ZHX2: variants seen among roughly 807,000 people sequenced by gnomAD.
ZHX2 encodes zinc fingers and homeoboxes 2, also known as zinc fingers and homeoboxes protein 2.
ZHX2 carries 6 observed loss-of-function variants against 21.9 expected under a neutral mutation model. The observed-to-expected ratio is 0.27, with a 90% CI of 0.15 to 0.54. ZHX2 has a LOEUF of 0.54. Ranked by LOEUF, ZHX2 falls within the 20% of genes least tolerant of loss-of-function variation. The pLI is 0.95. For synonymous variants in ZHX2, 434 were observed against 437.1 expected (o/e 0.99, Z 0.09); for missense variants, 908 against 1,090.7 (o/e 0.83, Z 2.36).
chr8:122,932,825 G>A (rs1396229331), intron 2 of ZHX2, among the ~76,000 whole-genome samples: 2 of 151,920 alleles, frequency 1.3e-5, no homozygotes, highest in African/African-American at 2.4e-5. Context: ...GGATATCTTT[G>A]AGGACCATTT....
chr8:122,874,588 C>T (rs1819520271), intron 2 of ZHX2, among the ~76,000 whole-genome samples: 1 of 152,134 alleles, frequency 6.6e-6, no homozygotes, highest in South Asian at 2.1e-4. Context: ...CTACCTCGGC[C>T]TCCCAAAGTG....
intron 2 of ZHX2, among the ~76,000 whole-genome samples, chr8:122,881,662 G>C (rs188544468): frequency 1.2e-4 from 18 of 152,304 alleles, no homozygotes; most frequent in Admixed American, 1.0e-3. Context: ...GGCATCTCAT[G>C]ATGACAACAT....
At chr8:122,836,371 C>A (rs537890167) in intron 1 of ZHX2, among the ~76,000 whole-genome samples, 1 of 152,164 alleles carries the variant, frequency 6.6e-6, no homozygotes, top group South Asian at 2.1e-4. Context: ...TTCCTTTGTC[C>A]GGCTGCTGTG....
At chr8:122,842,080 G>A (rs1366037858) in intron 1 of ZHX2, among the ~76,000 whole-genome samples, 1 of 152,208 alleles carries the variant, frequency 6.6e-6, no homozygotes, top group Non-Finnish European at 1.5e-5. Context: ...CAGTGAGAAG[G>A]GCACTGGCTT....
At chr8:122,843,378 C>T (rs114790914) in intron 1 of ZHX2, among the ~76,000 whole-genome samples, 149 of 152,244 alleles carry the variant, frequency 9.8e-4, no homozygotes, top group African/African-American at 3.2e-3. Flanking sequence ...CCTTGTCATC[C>T]GAGCCATGAG....
At chr8:122,850,832 C>T (rs1325799402) in intron 1 of ZHX2, among the ~76,000 whole-genome samples, 1 of 151,990 alleles carries the variant, frequency 6.6e-6, no homozygotes, top group Admixed American at 6.6e-5. Flanking sequence ...TGCCCCAGGC[C>T]TCCACTCATT....
At chr8:122,802,657 G>A (rs1027561284) in intron 1 of ZHX2, among the ~76,000 whole-genome samples, 15 of 152,196 alleles carry the variant, frequency 9.9e-5, no homozygotes, top group African/African-American at 3.6e-4. Context: ...CAAGGCAGTG[G>A]GTCTGCAACT....
chr8:122,836,252 G>C (rs890602650), intron 1 of ZHX2, among the ~76,000 whole-genome samples: 2 of 152,040 alleles, frequency 1.3e-5, no homozygotes, highest in Non-Finnish European at 2.9e-5. Flanking sequence ...GAAATCAAGA[G>C]AGGCCATGTG....
At chr8:122,930,656 T>G (rs1322254719) in intron 2 of ZHX2, among the ~76,000 whole-genome samples, 1 of 151,762 alleles carries the variant, frequency 6.6e-6, no homozygotes, top group African/African-American at 2.4e-5. Flanking sequence ...TTTTTTTTTT[T>G]TTTTATTTTT....
At chr8:122,892,804 C>T (rs1820013448) in intron 2 of ZHX2, among the ~76,000 whole-genome samples, 1 of 152,200 alleles carries the variant, frequency 6.6e-6, no homozygotes, top group Non-Finnish European at 1.5e-5. Flanking sequence ...CCTGCCTCAG[C>T]CTCCCGAGTA....
At chr8:122,933,940 G>A (rs1812612424) in intron 2 of ZHX2, among the ~76,000 whole-genome samples, 1 of 152,234 alleles carries the variant, frequency 6.6e-6, no homozygotes, top group Admixed American at 6.5e-5. Flanking sequence ...GGAAGCCAAG[G>A]TGGGAGGATC....
At chr8:122,865,356 C>G (rs1819266225) in intron 2 of ZHX2, among the ~76,000 whole-genome samples, 1 of 152,060 alleles carries the variant, frequency 6.6e-6, no homozygotes. Context: ...TCTCGATCTC[C>G]TGACCTCATG....
intron 1 of ZHX2, among the ~76,000 whole-genome samples, chr8:122,796,591 CT>C (rs1452325383): frequency 6.6e-6 from 1 of 152,128 alleles, no homozygotes; most frequent in Non-Finnish European, 1.5e-5. Context: ...ATCTAGTTTC[CT>C]TTTTTTCCCT....
intron 1 of ZHX2, among the ~76,000 whole-genome samples, chr8:122,792,924 A>G (rs1817546789): frequency 1.3e-5 from 2 of 152,074 alleles, no homozygotes; most frequent in African/African-American, 4.8e-5. Context: ...CCCTGCCACC[A>G]CCCAGCTCCT....
chr8:122,786,707 C>T (rs1308233728), intron 1 of ZHX2, among the ~76,000 whole-genome samples: 2 of 152,068 alleles, frequency 1.3e-5, no homozygotes, highest in African/African-American at 2.4e-5. Flanking sequence ...TTGCCATTCC[C>T]CTTCTGCCTC....
At chr8:122,830,784 T>C (rs1183093267) in intron 1 of ZHX2, among the ~76,000 whole-genome samples, 1 of 152,168 alleles carries the variant, frequency 6.6e-6, no homozygotes, top group Non-Finnish European at 1.5e-5. Flanking sequence ...ATGGAGGCCC[T>C]AAGACAAAAG....
At chr8:122,905,219 C>T (rs1820317574) in intron 2 of ZHX2, among the ~76,000 whole-genome samples, 1 of 152,126 alleles carries the variant, frequency 6.6e-6, no homozygotes, top group South Asian at 2.1e-4. Flanking sequence ...AGGATGAATC[C>T]AAATAAATTT....
chr8:122,892,138 A>T (rs1420810661), intron 2 of ZHX2, among the ~76,000 whole-genome samples: 1 of 152,218 alleles, frequency 6.6e-6, no homozygotes, highest in Non-Finnish European at 1.5e-5. Flanking sequence ...CAATCATTGT[A>T]TCACTTTGCT....
At chr8:122,823,128 G>T (rs1818191518) in intron 1 of ZHX2, among the ~76,000 whole-genome samples, 1 of 152,170 alleles carries the variant, frequency 6.6e-6, no homozygotes, top group Non-Finnish European at 1.5e-5. Flanking sequence ...TCCTGTGTCT[G>T]GTCTTTGGGT....
Sources: allele counts gnomAD v4.1 joint callset (sites outside exome capture counted in the v4.1 genomes callset), GRCh38; gene constraint gnomAD v4.1.1; transcripts MANE v1.5; gene names NCBI Gene and HGNC (gene_info 2026-07-23, HGNC 2026-07-21).